BDP1: variants seen among roughly 807,000 people sequenced by gnomAD.
The protein encoded by BDP1 is BDP1 general transcription factor IIIB subunit.
BDP1 carries 169 observed loss-of-function variants against 266.6 expected under a neutral mutation model. The observed-to-expected ratio is 0.63, with a 90% CI of 0.56 to 0.72. BDP1 has a LOEUF of 0.72. Among genes scored for constraint, BDP1 ranks in the 30% least tolerant of loss-of-function variants. The pLI is 0.00. For missense variants in BDP1, 3,015 were observed against 3,053.8 expected (o/e 0.99, Z 0.30); for synonymous variants, 1,090 against 1,022.4 (o/e 1.07, Z -1.26).
intron 16 of BDP1, among the ~76,000 whole-genome samples, chr5:71,505,313 A>G (rs552895170): frequency 1.2e-4 from 18 of 152,276 alleles, no homozygotes; most frequent in Admixed American, 8.5e-4. Flanking sequence ...AGCCAGCTTT[A>G]TCACTTAACA....
chr5:71,569,840 A>T (rs1744207888), downstream of BDP1, among the ~76,000 whole-genome samples: 1 of 152,200 alleles, frequency 6.6e-6, no homozygotes, highest in African/African-American at 2.4e-5. Context: ...CTAAGGTGTA[A>T]CACCAACACC....
chr5:71,473,003 C>G (rs1461621137), intron 7 of BDP1, among the ~76,000 whole-genome samples: 1 of 149,432 alleles, frequency 6.7e-6, no homozygotes, highest in Non-Finnish European at 1.5e-5. Flanking sequence ...CCACCTCAGC[C>G]TCCTGAGTAG....
intron 16 of BDP1, among the ~76,000 whole-genome samples, chr5:71,505,323 A>G (rs1764520277): frequency 1.3e-5 from 2 of 152,318 alleles, no homozygotes; most frequent in South Asian, 2.1e-4. Context: ...ATCACTTAAC[A>G]TGCATATTGA....
chr5:71,564,941 T>G lies in BDP1; in HGVS notation c.*56T>G. 6.7e-7 allele frequency: 1 copy of G among 1,489,878 alleles called. No individual in the cohort carries two copies. The allele number at this position is 1,489,878 out of a possible 1,614,324, so 92.3% of individuals were successfully genotyped here. A position where few individuals can be genotyped will look rare whatever the true frequency, so the allele number is the denominator to read the frequency against. On this transcript the variant is annotated 3_prime_UTR_variant, in exon 39 of 39. Transcript: ENST00000358731. ...TAGGTCTAGGATTTCCAGAGTCAAT[T>G]ACATCAACAAAACAGTATTTAGAGC...
intron 8 of BDP1, among the ~76,000 whole-genome samples, chr5:71,486,150 C>T (rs1763246215): frequency 1.3e-5 from 2 of 152,164 alleles, no homozygotes; most frequent in Admixed American, 1.3e-4. Flanking sequence ...GAGATTCCCT[C>T]ATATTATTGC....
At chr5:71,539,907 A>C (rs1580176513) in intron 28 of BDP1, among the ~76,000 whole-genome samples, 1 of 152,212 alleles carries the variant, frequency 6.6e-6, no homozygotes, top group East Asian at 1.9e-4. Flanking sequence ...TGCATGGAAT[A>C]GTTGTATGCA....
intron 11 of BDP1, among the ~76,000 whole-genome samples, chr5:71,492,327 A>G (rs1039151356): frequency 6.6e-6 from 1 of 152,172 alleles, no homozygotes; most frequent in South Asian, 2.1e-4. Context: ...ACTGTTTCCA[A>G]TAGCGGGTAC....
Position 71,455,780 on chromosome 5 carries a change from G to C in BDP1, c.-98G>C. 1 of 1,022,446 alleles carries C rather than the reference G, an allele frequency of 9.8e-7. No homozygotes were observed. Among genetic ancestry groups the C allele is most frequent in the South Asian group, 1.6e-5 (1 of 61,032 alleles). 63.3% of individuals were successfully genotyped at this position (1,022,446 alleles called of 1,614,324 possible). A position where few individuals can be genotyped will look rare whatever the true frequency, so the allele number is the denominator to read the frequency against. On this transcript the variant is annotated 5_prime_UTR_variant, in exon 1 of 39. Transcript: ENST00000358731. Reference sequence around the variant, plus strand: ...CCCTGAGCTGGTGGTGTGGCTTTGTGGGGAGGGCGTAGTTCCTAATCCCCT... The same window carrying C: ...CCCTGAGCTGGTGGTGTGGCTTTGTCGGGAGGGCGTAGTTCCTAATCCCCT...
At chr5:71,529,031 A>G (rs951856103) in intron 25 of BDP1, among the ~76,000 whole-genome samples, 5 of 152,178 alleles carry the variant, frequency 3.3e-5, no homozygotes, top group Non-Finnish European at 7.3e-5. Context: ...CTTTCCTTAG[A>G]TTCTATTCCT....
chr5:71,546,846 A>G (rs1742355427), intron 32 of BDP1, among the ~76,000 whole-genome samples: 1 of 119,648 alleles, frequency 8.4e-6, no homozygotes, highest in Non-Finnish European at 1.9e-5. Flanking sequence ...CATGTCCATT[A>G]TAGCTTTTTT....
rs1743994722 is a variant in BDP1 at position 71,565,789 on chromosome 5, TATC to T, written c.*906_*908del. The T allele has an allele frequency of 6.5e-6, 1 of 152,940 alleles. No individual in the cohort carries two copies. Among genetic ancestry groups the T allele is most frequent in the Non-Finnish European group, 1.5e-5 (1 of 68,520 alleles). 9.5% of individuals were successfully genotyped at this position (152,940 alleles called of 1,614,324 possible). A position where few individuals can be genotyped will look rare whatever the true frequency, so the allele number is the denominator to read the frequency against. ...GGCAAATGTTAAAGAACTTTTCTAT[TATC>T]AGCTGTTTGTCTGACTGAAAAATAC... On this transcript the variant is annotated 3_prime_UTR_variant, in exon 39 of 39. Transcript: ENST00000358731.
chr5:71,575,117 C>G, the BDP1 span, among the ~76,000 whole-genome samples: 2 of 152,064 alleles, frequency 1.3e-5, no homozygotes, highest in Non-Finnish European at 2.9e-5. Context: ...TTTATGGGGT[C>G]GAGACTTACA....
chr5:71,553,407 T>C lies in BDP1; in HGVS notation c.7200+87T>C, dbSNP rs553449588. The C allele has an allele frequency of 1.9e-4, 165 of 880,076 alleles. No individual in the cohort carries two copies. The African/African-American group carries it at 2.7e-3, about 14-fold the overall frequency. 54.5% of individuals were successfully genotyped at this position (880,076 alleles called of 1,614,324 possible). ...GATCTGTTCCTATTTTTTCCTTTAT[T>C]CTCTTTAAACTTTTAGATATATATA... is the stretch of plus-strand genomic sequence containing the variant. On this transcript the variant is annotated intron_variant, in intron 35 of 38. Coordinates refer to ENST00000358731, the MANE Select transcript of BDP1 (RefSeq NM_018429.3).
In BDP1 at chr5:71,458,758, C is replaced by G. The variant is rs964624642; in HGVS notation, c.392C>G (p.Thr131Ser). ...CAAGAGGCTCCACAGCCAACTGCCA[C>G]TTCAACAAAAGAGAAACAGCCATGC... ...INQEAPQPTA[T>S]STKEKQPCSD... is the part of the protein sequence containing the mutation. The change falls in exon 2 of 39, where the codon ACT (threonine) becomes AGT (serine). Residue 131 changes from threonine to serine, a missense_variant. Thr to Ser is a moderately conservative substitution (Grantham distance 58). This residue lies in a region of BDP1 where 2,383 missense variants were observed against 2,404.9 expected (regional missense o/e 0.99). Transcript: ENST00000358731. The G allele has an allele frequency of 6.2e-7, 1 of 1,613,966 alleles. No individual in the cohort carries two copies. Among genetic ancestry groups the G allele is most frequent in the African/African-American group, 1.3e-5 (1 of 74,928 alleles).
At chr5:71,576,965 G>A in the BDP1 span, among the ~76,000 whole-genome samples, 2 of 152,160 alleles carry the variant, frequency 1.3e-5, no homozygotes, top group Admixed American at 1.3e-4. Context: ...TGTTACATTT[G>A]TAAAGAATAT....
In BDP1 at chr5:71,460,294, C is replaced by T. The variant is rs7723404; in HGVS notation, c.489+1439C>T. On this transcript the variant is annotated intron_variant, in intron 2 of 38. Coordinates refer to ENST00000358731, the MANE Select transcript of BDP1 (RefSeq NM_018429.3). ...ACTCAGGAGGCTGAGACAGGAGAAT[C>T]GCTTGAACCTGGGAGGCAGAGGTTG... Among the ~76,000 whole-genome samples the T allele has an allele frequency of 5.3e-3, 800 of 152,276 alleles. 10 individuals are homozygous for T. The highest frequency in any genetic ancestry group is 0.018 in the African/African-American group (746 of 41,550).
At chr5:71,475,173 C>G (rs538604529) in intron 7 of BDP1, among the ~76,000 whole-genome samples, 1 of 152,124 alleles carries the variant, frequency 6.6e-6, no homozygotes, top group African/African-American at 2.4e-5. Flanking sequence ...CAGCCTCTGT[C>G]CTGGCTCACT....
At chr5:71,577,349 C>A in the BDP1 span, among the ~76,000 whole-genome samples, 8 of 152,280 alleles carry the variant, frequency 5.3e-5, no homozygotes, top group African/African-American at 1.9e-4. Flanking sequence ...TAGTTCTATT[C>A]AAACAGCTCA....
At chr5:71,466,924 TG>T (rs1761943248) in intron 5 of BDP1, among the ~76,000 whole-genome samples, 1 of 152,212 alleles carries the variant, frequency 6.6e-6, no homozygotes, top group Non-Finnish European at 1.5e-5. Flanking sequence ...TTTGTGATGA[TG>T]ATTTTACTGG....
Sources: allele counts gnomAD v4.1 joint callset (sites outside exome capture counted in the v4.1 genomes callset), GRCh38; gene constraint gnomAD v4.1.1; regional missense constraint gnomAD v4.1.1; transcripts MANE v1.5; gene names NCBI Gene and HGNC (gene_info 2026-07-23, HGNC 2026-07-21).